Variants in COMT observed in about 807,000 individuals in gnomAD.
COMT encodes the protein catechol O-methyltransferase.
Under a neutral mutation model 18.9 loss-of-function variants are expected in COMT, and 13 were observed. The ratio of observed to expected loss-of-function variants is 0.69; its 90% CI spans 0.45 to 1.09. The LOEUF is 1.09. Ranked by LOEUF, COMT falls within the 50% of genes least tolerant of loss-of-function variation. The pLI is 0.00. For missense variants in COMT, 329 were observed against 361.8 expected, an observed-to-expected ratio of 0.91 and a Z score of 0.73; for synonymous variants, 150 against 160.9, an observed-to-expected ratio of 0.93 and a Z score of 0.51.
chr22:19,960,249 A>C (rs1942163947), intron 1 of COMT, among the ~76,000 whole-genome samples: 1 of 152,246 alleles, frequency 6.6e-6, no homozygotes, highest in African/African-American at 2.4e-5. Flanking sequence ...TATATTTCTA[A>C]CACTGTTTTT....
At chr22:19,943,161 G>A (rs1941772536) in intron 1 of COMT, among the ~76,000 whole-genome samples, 1 of 152,202 alleles carries the variant, frequency 6.6e-6, no homozygotes. Context: ...TGGCTGGAGT[G>A]TGGGGAGGGA....
intron 5 of COMT, chr22:19,967,478 C>T: frequency 2.2e-6 from 1 of 445,134 alleles, no homozygotes; most frequent in Non-Finnish European, 4.6e-6. Flanking sequence ...TGTCCCCTGA[C>T]CTCACTGACC....
intron 1 of COMT, among the ~76,000 whole-genome samples, chr22:19,955,619 G>A (rs1309556959): frequency 6.6e-6 from 1 of 152,228 alleles, no homozygotes; most frequent in Non-Finnish European, 1.5e-5. Context: ...CTTAGAACTG[G>A]CCTCCTTCCT....
intron 1 of COMT, among the ~76,000 whole-genome samples, chr22:19,954,854 C>T (rs943032031): frequency 3.3e-5 from 5 of 152,162 alleles, no homozygotes; most frequent in East Asian, 3.8e-4. Flanking sequence ...CAGGTGTCAC[C>T]GGGGTGAGAG....
Position 19,968,685 on chromosome 22 carries a change from C to T in COMT, c.765C>T (p.Asp255=), listed in dbSNP as rs201893998. 23 of 1,613,846 alleles carry T rather than the reference C, an allele frequency of 1.4e-5. No individual in the cohort carries two copies. Among genetic ancestry groups the T allele is most frequent in the African/African-American group, 6.7e-5 (5 of 75,044 alleles). The change falls in exon 6 of 6, where the codon GAC becomes GAT. Residue 255 remains aspartate, a synonymous_variant. Coordinates refer to ENST00000361682, the MANE Select transcript of COMT (RefSeq NM_000754.4). ...TCCTGGAATACAGGGAGGTGGTGGA[C>T]GGCCTGGAGAAGGCCATCTACAAGG... ...QSFLEYREVV[D]GLEKAIYKGP...
chr22:19,952,960 AT>A (rs1941979157), intron 1 of COMT, among the ~76,000 whole-genome samples: 2 of 13,638 alleles, frequency 1.5e-4, no homozygotes, highest in Admixed American at 1.1e-3. Context: ...CAAAAAATAA[AT>A]AAATAAATAA....
At chr22:19,955,550 C>A (rs1004119764) in intron 1 of COMT, among the ~76,000 whole-genome samples, 1 of 152,252 alleles carries the variant, frequency 6.6e-6, no homozygotes, top group Non-Finnish European at 1.5e-5. Flanking sequence ...CCAGGTAGGG[C>A]CCTCTGCAGC....
In COMT at chr22:19,964,622, A is replaced by G. The variant is rs1942293678; in HGVS notation, c.615+323A>G. The G allele has an allele frequency of 6.7e-6, 4 of 598,404 alleles. No individual in the cohort carries two copies. In the East Asian group the frequency reaches 1.1e-4, roughly 17 times the overall value. The allele number at this position is 598,404 out of a possible 1,614,324, so 37.1% of individuals were successfully genotyped here. A position where few individuals can be genotyped will look rare whatever the true frequency, so the allele number is the denominator to read the frequency against. On this transcript the variant is annotated intron_variant, in intron 5 of 5. Transcript: ENST00000361682. ...CCAGGGCAGAAACGGCACAGGACCA[A>G]GGAGATGGGGTGGGGAAGGGCCGCT... is the stretch of plus-strand genomic sequence containing the variant.
intron 1 of COMT, among the ~76,000 whole-genome samples, chr22:19,956,137 C>CCTTTTTTTTTTTTTTTTTTT: frequency 1.2e-5 from 1 of 84,824 alleles, no homozygotes; most frequent in South Asian, 4.3e-4. Flanking sequence ...TTCTTTTTTT[C>CCTTTTTTTTTTTTTTTTTTT]TTTTTTTTTT....
At position 19,969,918 on chromosome 22, in the gene COMT, A is replaced by C; in HGVS notation, c.*1182A>C. 1.0e-6 allele frequency: 1 copy of C among 985,512 alleles called. No homozygotes were observed. The highest frequency in any genetic ancestry group is 1.2e-6 in the Non-Finnish European group (1 of 829,932). The allele number at this position is 985,512 out of a possible 1,614,324, so 61.0% of individuals were successfully genotyped here. On this transcript the variant is annotated 3_prime_UTR_variant, in exon 6 of 6. Transcript: ENST00000361682. Reference sequence around the variant, plus strand: ...AAGTTCCTTTGCTGCTTTAATTTTTAAATTTTCTTACAAAAATTTAGGTGT... The same window carrying C: ...AAGTTCCTTTGCTGCTTTAATTTTTCAATTTTCTTACAAAAATTTAGGTGT...
chr22:19,963,906 G>A, intron 4 of COMT, 147 bp downstream of exon 4: 2 of 1,231,292 alleles, frequency 1.6e-6, no homozygotes, highest in Non-Finnish European at 2.3e-6. Context: ...TTCCCAGCCT[G>A]GGGCTGAGGA....
intron 5 of COMT, 77 bp from the exon 6 acceptor site, chr22:19,968,459 A>C: frequency 1.4e-6 from 2 of 1,422,066 alleles, no homozygotes; most frequent in Non-Finnish European, 2.0e-6. Context: ...CCTAGTGAGG[A>C]GCACCCATCC....
chr22:19,964,061 T>C (rs1337529868), intron 4 of COMT, 107 bp from the exon 5 acceptor site: 5 of 1,602,068 alleles, frequency 3.1e-6, no homozygotes, highest in Admixed American at 1.7e-5. Flanking sequence ...TGTGTAAAGA[T>C]GGCCTCCTGT....
At chr22:19,952,182 G>A (rs1418928114) in intron 1 of COMT, among the ~76,000 whole-genome samples, 2 of 152,230 alleles carry the variant, frequency 1.3e-5, no homozygotes, top group Non-Finnish European at 2.9e-5. Context: ...GCATGCCCCT[G>A]TGTAGTCCCA....
At chr22:19,944,685 G>A (rs1179616524) in intron 1 of COMT, among the ~76,000 whole-genome samples, 3 of 152,024 alleles carry the variant, frequency 2.0e-5, no homozygotes, top group Non-Finnish European at 4.4e-5. Context: ...AGCCAGGCGT[G>A]GTGGCGGGCA....
chr22:19,947,552 C>A (rs767441143), intron 1 of COMT, among the ~76,000 whole-genome samples: 1 of 152,160 alleles, frequency 6.6e-6, no homozygotes, highest in Non-Finnish European at 1.5e-5. Flanking sequence ...GCAGCCGAGG[C>A]GGACAGCGAG....
chr22:19,966,557 C>T (rs571077086), intron 5 of COMT, among the ~76,000 whole-genome samples: 7 of 151,388 alleles, frequency 4.6e-5, no homozygotes, highest in Non-Finnish European at 1.0e-4. Flanking sequence ...CCTCCCACCT[C>T]AGCCTCCTGA....
intron 1 of COMT, among the ~76,000 whole-genome samples, chr22:19,960,242 A>G (rs1249306389): frequency 2.0e-5 from 3 of 152,224 alleles, no homozygotes; most frequent in African/African-American, 4.8e-5. Context: ...TGGGGTATAT[A>G]TTTCTAACAC....
At chr22:19,946,360 C>T (rs922410085) in intron 1 of COMT, among the ~76,000 whole-genome samples, 7 of 151,954 alleles carry the variant, frequency 4.6e-5, no homozygotes, top group South Asian at 4.2e-4. Context: ...TGGTAGCAGA[C>T]GCCTGTAATC....
Sources: allele counts gnomAD v4.1 joint callset (sites outside exome capture counted in the v4.1 genomes callset), GRCh38; gene constraint gnomAD v4.1.1; transcripts MANE v1.5; gene names NCBI Gene and HGNC (gene_info 2026-07-23, HGNC 2026-07-21).